Variants in ZSCAN30 observed in about 807,000 individuals in gnomAD.
The protein encoded by ZSCAN30 is zinc finger and SCAN domain containing 30.
ZSCAN30 carries 37 observed loss-of-function variants against 44.3 expected under a neutral mutation model. That is an observed-to-expected ratio of 0.84 (90% CI 0.64 to 1.10). The LOEUF (loss-of-function observed/expected upper bound fraction) is 1.10, where lower values mean the gene tolerates loss of function less well. Among genes scored for constraint, ZSCAN30 ranks in the 50% least tolerant of loss-of-function variants. ZSCAN30 has a pLI of 0.00. For missense variants in ZSCAN30, 549 were observed against 582.6 expected (o/e 0.94, Z 0.59); for synonymous variants, 181 against 204.6 (o/e 0.88, Z 0.98).
At chr18:35,254,470 G>GTATT in intron 3 of ZSCAN30, 89 bp from the exon 4 acceptor site, 1 of 1,595,088 alleles carries the variant, frequency 6.3e-7, no homozygotes, top group Non-Finnish European at 8.5e-7. Context: ...AATGAAATAG[G>GTATT]TATTTATTTA....
chr18:35,271,117 G>C (rs537000400), intron 1 of ZSCAN30, among the ~76,000 whole-genome samples: 1 of 152,152 alleles, frequency 6.6e-6, no homozygotes, highest in South Asian at 2.1e-4. Context: ...ACAGCAGCAA[G>C]ATTTATTGCA....
In ZSCAN30 at chr18:35,290,106, A is replaced by C. The variant is rs996578614; in HGVS notation, c.-126T>G. 3 of 152,260 alleles carry C rather than the reference A, an allele frequency of 2.0e-5. No homozygotes were observed. The highest frequency in any genetic ancestry group is 7.2e-5 in the African/African-American group (3 of 41,472). The allele number at this position is 152,260 out of a possible 1,614,324, so 9.4% of individuals were successfully genotyped here. On this transcript the variant is annotated 5_prime_UTR_variant, in exon 1 of 4. Transcript: ENST00000333206. The stretch of plus-strand genomic sequence containing the variant: ...TACCCTGCCCCAGAGAGCTTTCCCG[A>C]AAGATAATGGATTCCGACATTCACC...
At chr18:35,254,855 T>G in intron 3 of ZSCAN30, 1 of 172,966 alleles carries the variant, frequency 5.8e-6, no homozygotes, top group Middle Eastern at 5.1e-4. Flanking sequence ...GAGTTAGCAC[T>G]GAACAGAGGT....
Position 35,254,366 on chromosome 18 carries a change from G to C in ZSCAN30, c.569C>G (p.Ala190Gly), listed in dbSNP as rs1168325898. The change falls in exon 4 of 4, where the codon GCT becomes GGT. Residue 190 changes from alanine (A) to glycine (G), a missense_variant. Transcript: ENST00000333206. ...TTGCTTTGCCATCAACACTTTGCCA[G>C]CCACCATCCTGCCATCTAAAAATGT... ...AFQERDGRMV[A>G]GKVLMAKQEI... is the part of the protein sequence containing the mutation. 5 of 1,613,786 alleles carry C rather than the reference G, an allele frequency of 3.1e-6. No homozygotes were observed. The South Asian group carries it at 5.5e-5, about 18-fold the overall frequency.
In ZSCAN30 at chr18:35,263,348, A is replaced by G. The variant is rs1392666475; in HGVS notation, c.553+165T>C. 5.1e-6 allele frequency: 4 copies of G among 786,502 alleles called. No individual in the cohort carries two copies. The East Asian group carries it at 1.0e-4, about 20-fold the overall frequency. The allele number at this position is 786,502 out of a possible 1,614,324, so 48.7% of individuals were successfully genotyped here. A position where few individuals can be genotyped will look rare whatever the true frequency, so the allele number is the denominator to read the frequency against. On this transcript the variant is annotated intron_variant, in intron 3 of 3. Transcript: ENST00000333206. ...ACCCAAAGTTACAAATGATACTGGA[A>G]TTTCAGATTCTAGGCAGAGCCTAAG...
intron 1 of ZSCAN30, chr18:35,269,528 C>T (rs2143726494): frequency 6.6e-6 from 1 of 151,342 alleles, no homozygotes; most frequent in African/African-American, 2.4e-5. Context: ...GTATGGGGAT[C>T]CACCATCTTA....
chr18:35,260,646 G>C (rs1213149941), intron 3 of ZSCAN30: 1 of 152,054 alleles, frequency 6.6e-6, no homozygotes, highest in Non-Finnish European at 1.5e-5. Context: ...ATTTTTTGGT[G>C]CATAAATGTC....
At position 35,251,976 on chromosome 18, in the gene ZSCAN30, TA is replaced by T. The variant is rs1469923136; in HGVS notation, c.*1473del. The T allele has an allele frequency of 1.3e-5, 2 of 152,112 alleles. No individual in the cohort carries two copies. Among genetic ancestry groups the T allele is most frequent in the Non-Finnish European group, 2.9e-5 (2 of 68,026 alleles). The allele number at this position is 152,112 out of a possible 1,614,324, so 9.4% of individuals were successfully genotyped here. On this transcript the variant is annotated 3_prime_UTR_variant, in exon 4 of 4. Transcript: ENST00000333206. ...TTGCCCTCAGCAATTGTGGGTTAAT[TA>T]AAACTGCCAAAATAAAAATTAGCAG...
At chr18:35,275,932 A>G (rs2044359596) in intron 1 of ZSCAN30, among the ~76,000 whole-genome samples, 1 of 152,070 alleles carries the variant, frequency 6.6e-6, no homozygotes, top group South Asian at 2.1e-4. Flanking sequence ...CTTTTTCTGC[A>G]TATTTTGTCC....
Position 35,264,231 on chromosome 18 carries a change from G to A in ZSCAN30, c.122C>T (p.Pro41Leu). Residue 41 changes from proline (P) to leucine (L), a missense_variant, in exon 2 of 4, where the codon CCC becomes CTC. By Grantham distance (98) the Pro-to-Leu change is moderately conservative (BLOSUM62 -3). Coordinates refer to ENST00000333206, the MANE Select transcript of ZSCAN30 (RefSeq NM_001112734.4). ...CTGCCGGAATACCTCTTGGCTCCAG[G>A]GGTTTTCCTGAAGGCCAAAGTCCTG... ...LDQDFGLQEN[P>L]WSQEVFRQKF... The A allele has an allele frequency of 6.2e-7, 1 of 1,614,168 alleles. No homozygotes were observed. Among genetic ancestry groups the A allele is most frequent in the South Asian group, 1.1e-5 (1 of 91,088 alleles).
intron 1 of ZSCAN30, among the ~76,000 whole-genome samples, chr18:35,264,874 C>T (rs557342009): frequency 1.3e-5 from 2 of 152,238 alleles, no homozygotes; most frequent in Admixed American, 6.5e-5. Context: ...TTGCCAGGCA[C>T]GGTGGCTCAC....
At chr18:35,254,413 T>C in intron 3 of ZSCAN30, 32 bp from the exon 4 acceptor site, 1 of 1,613,738 alleles carries the variant, frequency 6.2e-7, no homozygotes, top group Non-Finnish European at 8.5e-7. Flanking sequence ...GTAAGTATCA[T>C]TTACTTCCCA....
At chr18:35,271,565 T>G (rs577841948) in intron 1 of ZSCAN30, among the ~76,000 whole-genome samples, 3 of 136,634 alleles carry the variant, frequency 2.2e-5, no homozygotes, top group Admixed American at 7.5e-5. Flanking sequence ...AGTCCCCACC[T>G]GACTCAGGAG....
chr18:35,268,445 C>T (rs569127825), intron 1 of ZSCAN30: 6 of 152,224 alleles, frequency 3.9e-5, no homozygotes, highest in African/African-American at 1.4e-4. Flanking sequence ...ATGACATCGC[C>T]AAGGGAGGTC....
intron 3 of ZSCAN30, chr18:35,263,042 T>C (rs1311853029): frequency 1.0e-5 from 2 of 193,168 alleles, no homozygotes; most frequent in Admixed American, 5.6e-5. Flanking sequence ...GTCTTGCCAA[T>C]GAAGCCAAAA....
At chr18:35,270,303 AAAG>A (rs1181538555) in intron 1 of ZSCAN30, 1 of 152,222 alleles carries the variant, frequency 6.6e-6, no homozygotes, top group Non-Finnish European at 1.5e-5. Context: ...ATCTTAATAA[AAAG>A]AAGGCAGAAA....
intron 3 of ZSCAN30, chr18:35,258,093 G>A (rs1457299260): frequency 1.4e-6 from 1 of 725,158 alleles, no homozygotes; most frequent in Non-Finnish European, 2.5e-6. Flanking sequence ...TATCACAGTG[G>A]GCCTCTCCAA....
chr18:35,286,185 A>G (rs2044546745), intron 1 of ZSCAN30, among the ~76,000 whole-genome samples: 1 of 152,176 alleles, frequency 6.6e-6, no homozygotes, highest in Admixed American at 6.5e-5. Context: ...CTGAATTTGT[A>G]ATTTAAAACC....
Position 35,253,900 on chromosome 18 carries a change from A to G in ZSCAN30, c.1035T>C (p.Val345=). 1 of 1,614,184 alleles carries G rather than the reference A, an allele frequency of 6.2e-7. No individual in the cohort carries two copies. Among genetic ancestry groups the G allele is most frequent in the East Asian group, 2.2e-5 (1 of 44,884 alleles). Residue 345 remains valine, a synonymous_variant, in exon 4 of 4, where the codon GTT becomes GTC. Coordinates refer to ENST00000333206, the MANE Select transcript of ZSCAN30 (RefSeq NM_001112734.4). ...GKAFSLSSDL[V]RHQRIHSGEK... is the part of the protein sequence containing the mutation. Reference sequence around the variant, plus strand: ...CACCACTATGAATTCTCTGATGTCTAACAAGGTCTGAGCTCAAACTGAAGG... The same window carrying G: ...CACCACTATGAATTCTCTGATGTCTGACAAGGTCTGAGCTCAAACTGAAGG...
Sources: gnomAD v4.1 joint callset for allele counts (sites outside exome capture counted in the v4.1 genomes callset) on GRCh38, gnomAD v4.1.1 for gene constraint, MANE v1.5 for transcripts, NCBI Gene and HGNC (gene_info 2026-07-23, HGNC 2026-07-21) for gene names.